The following IGSF11 variants were observed in gnomAD, a reference collection of about 807,000 sequenced individuals.
The protein encoded by IGSF11 is immunoglobulin superfamily member 11.
A neutral mutation model predicts 41.0 loss-of-function variants in IGSF11; 22 were observed. The ratio of observed to expected loss-of-function variants is 0.54; its 90% CI spans 0.38 to 0.77. The LOEUF is 0.77. Among genes scored for constraint, IGSF11 ranks in the 30% least tolerant of loss-of-function variants. The pLI is 0.00. For missense variants in IGSF11, 444 were observed against 530.8 expected, an observed-to-expected ratio of 0.84 and a Z score of 1.61; for synonymous variants, 219 against 201.3, an observed-to-expected ratio of 1.09 and a Z score of -0.74.
chr3:119,014,297 A>G (rs558451739), intron 1 of IGSF11, among the ~76,000 whole-genome samples: 1 of 152,256 alleles, frequency 6.6e-6, no homozygotes, highest in Non-Finnish European at 1.5e-5. Context: ...ATGGCATGAC[A>G]GAGGCATAAA....
intron 1 of IGSF11, among the ~76,000 whole-genome samples, chr3:118,943,552 T>C (rs1203391171): frequency 6.6e-6 from 1 of 152,248 alleles, no homozygotes; most frequent in Admixed American, 6.5e-5. Context: ...TGAACTTCCA[T>C]GTGACTGGCC....
At chr3:119,040,227 T>G (rs1226606004) in intron 1 of IGSF11, among the ~76,000 whole-genome samples, 1 of 152,132 alleles carries the variant, frequency 6.6e-6, no homozygotes, top group Non-Finnish European at 1.5e-5. Context: ...TCTCATTTGA[T>G]CTTGTGGCCC....
intron 1 of IGSF11, among the ~76,000 whole-genome samples, chr3:119,118,199 T>A (rs2077285098): frequency 6.6e-6 from 1 of 152,206 alleles, no homozygotes; most frequent in Non-Finnish European, 1.5e-5. Context: ...TGACCCCACA[T>A]TTCCCTTCTG....
intron 1 of IGSF11, among the ~76,000 whole-genome samples, chr3:119,071,538 A>G (rs770571974): frequency 1.3e-4 from 20 of 152,200 alleles, no homozygotes; most frequent in Non-Finnish European, 2.8e-4. Context: ...ATTATTTAAC[A>G]TTTGGATATA....
intron 1 of IGSF11, among the ~76,000 whole-genome samples, chr3:118,946,544 C>T (rs1447398806): frequency 6.6e-6 from 1 of 151,946 alleles, no homozygotes; most frequent in African/African-American, 2.4e-5. Flanking sequence ...TGGGCTTTCA[C>T]CTCCCTTACT....
intron 4 of IGSF11, among the ~76,000 whole-genome samples, chr3:118,916,397 A>C (rs552016765): frequency 4.4e-4 from 67 of 152,240 alleles, no homozygotes; most frequent in Non-Finnish European, 7.5e-4. Flanking sequence ...GCTCAAAATA[A>C]AAGGATGGAG....
At chr3:119,084,732 T>C (rs2076642529) in intron 1 of IGSF11, among the ~76,000 whole-genome samples, 1 of 152,228 alleles carries the variant, frequency 6.6e-6, no homozygotes, top group African/African-American at 2.4e-5. Context: ...CTGGGTCTCT[T>C]GCTTCATCTG....
intron 1 of IGSF11, among the ~76,000 whole-genome samples, chr3:118,936,440 G>A (rs1943285594): frequency 6.6e-6 from 1 of 150,862 alleles, no homozygotes; most frequent in African/African-American, 2.4e-5. Flanking sequence ...CTGGGAGGTA[G>A]AAGTTGCAGT....
intron 1 of IGSF11, among the ~76,000 whole-genome samples, chr3:119,090,684 G>A (rs1288725028): frequency 1.3e-5 from 2 of 152,178 alleles, no homozygotes; most frequent in African/African-American, 4.8e-5. Context: ...CTAGCCATAT[G>A]CAGAAGATTA....
intron 4 of IGSF11, among the ~76,000 whole-genome samples, chr3:118,908,640 T>C (rs1379605960): frequency 6.6e-6 from 1 of 152,208 alleles, no homozygotes; most frequent in Non-Finnish European, 1.5e-5. Context: ...TGAAACTACA[T>C]AGTTTGGGGA....
chr3:118,967,361 C>T (rs781626261), intron 1 of IGSF11, among the ~76,000 whole-genome samples: 2 of 152,126 alleles, frequency 1.3e-5, no homozygotes, highest in Non-Finnish European at 1.5e-5. Flanking sequence ...TTCTCTATTA[C>T]GATTTAGATA....
intron 1 of IGSF11, among the ~76,000 whole-genome samples, chr3:118,966,355 C>G (rs1196178343): frequency 6.6e-6 from 1 of 152,154 alleles, no homozygotes; most frequent in Non-Finnish European, 1.5e-5. Context: ...TCACATGGCT[C>G]TTTTGTGGCA....
chr3:119,026,101 T>G (rs1470521038), intron 1 of IGSF11, among the ~76,000 whole-genome samples: 1 of 152,158 alleles, frequency 6.6e-6, no homozygotes, highest in Non-Finnish European at 1.5e-5. Context: ...AAACCCCGTC[T>G]CTACTAAAAA....
At chr3:118,933,470 T>TTTTATATATATATA (rs1553754814) in intron 1 of IGSF11, among the ~76,000 whole-genome samples, 40 of 146,146 alleles carry the variant, frequency 2.7e-4, no homozygotes, top group Non-Finnish European at 4.6e-4. Flanking sequence ...CATGTATTTT[T>TTTTATATATATATA]TATATATATA....
chr3:118,918,706 G>A (rs1432749925), intron 4 of IGSF11, among the ~76,000 whole-genome samples: 3 of 113,948 alleles, frequency 2.6e-5, no homozygotes, highest in Non-Finnish European at 5.1e-5. Flanking sequence ...CAGATTCAAT[G>A]CCATCCCCAT....
intron 1 of IGSF11, among the ~76,000 whole-genome samples, chr3:119,068,527 A>G (rs1942300802): frequency 6.6e-6 from 1 of 152,196 alleles, no homozygotes; most frequent in South Asian, 2.1e-4. Context: ...CTTATCAAAA[A>G]CCCAAAGAAC....
chr3:118,933,471 T>C (rs1352491171), intron 1 of IGSF11, among the ~76,000 whole-genome samples: 3 of 61,630 alleles, frequency 4.9e-5, no homozygotes, highest in Non-Finnish European at 5.6e-5. Context: ...ATGTATTTTT[T>C]ATATATATAT....
At chr3:118,952,786 A>G (rs939740367) in intron 1 of IGSF11, among the ~76,000 whole-genome samples, 1 of 152,170 alleles carries the variant, frequency 6.6e-6, no homozygotes, top group African/African-American at 2.4e-5. Flanking sequence ...CAAGCACTTA[A>G]AGGAATTATA....
At position 118,930,232 on chromosome 3, in the gene IGSF11, G is replaced by C. The variant is rs532271891; in HGVS notation, c.96C>G (p.Ile32Met). Residue 32 changes from isoleucine to methionine, a missense_variant, in exon 2 of 7, where the codon ATC (isoleucine) becomes ATG (methionine). Physicochemically the swap from Ile to Met is conservative, Grantham distance 10. Coordinates refer to ENST00000393775, the MANE Select transcript of IGSF11 (RefSeq NM_001015887.3). ...CTGCTGGCTGACCCCGGGCCACCTG[G>C]ATACTCCCAGGGCTCTCTGACACTT... is the stretch of plus-strand genomic sequence containing the variant. ...SLEVSESPGSIQVARGQPAVL... is the reference protein window; with the variant it reads ...SLEVSESPGSMQVARGQPAVL... 45 of 1,613,814 alleles carry C rather than the reference G, an allele frequency of 2.8e-5. No homozygotes were observed. The highest frequency in any genetic ancestry group is 3.7e-5 in the Non-Finnish European group (44 of 1,179,890).
Sources: allele counts gnomAD v4.1 joint callset (sites outside exome capture counted in the v4.1 genomes callset), GRCh38; gene constraint gnomAD v4.1.1; transcripts MANE v1.5; gene names NCBI Gene and HGNC (gene_info 2026-07-23, HGNC 2026-07-21).